The following KIAA0319 variants were observed in gnomAD, a reference collection of about 807,000 sequenced individuals.
KIAA0319 encodes the protein KIAA0319.
Under a neutral mutation model 108.4 loss-of-function variants are expected in KIAA0319, and 83 were observed. The ratio of observed to expected loss-of-function variants is 0.77; its 90% CI spans 0.64 to 0.92. The LOEUF is 0.92. Among genes scored for constraint, KIAA0319 ranks in the 40% least tolerant of loss-of-function variants. The pLI, the probability that KIAA0319 is intolerant of heterozygous loss-of-function variation, is 0.00. For missense variants in KIAA0319, 1,195 were observed against 1,322.4 expected (o/e 0.90, Z 1.49); for synonymous variants, 484 against 510.4 (o/e 0.95, Z 0.70).
Position 24,599,564 on chromosome 6 carries a change from T to C in KIAA0319, c.55+1485A>G. Reference sequence around the variant, plus strand: ...AGGGCGAGGAGAGCTGGCTGGAGTCTGGGATGCAGAACATGAATATCCATA... The same window carrying C: ...AGGGCGAGGAGAGCTGGCTGGAGTCCGGGATGCAGAACATGAATATCCATA... On this transcript the variant is annotated intron_variant, in intron 2 of 20. Coordinates refer to ENST00000378214, the MANE Select transcript of KIAA0319 (RefSeq NM_014809.4). The surrounding 1 kb of genome is among the most constrained non-coding windows in gnomAD (Gnocchi z 4.1). 1.7e-6 allele frequency: 1 copy of C among 594,518 alleles called. No individual in the cohort carries two copies. Among genetic ancestry groups the C allele is most frequent in the Non-Finnish European group, 3.2e-6 (1 of 311,896 alleles). 36.8% of individuals were successfully genotyped at this position (594,518 alleles called of 1,614,324 possible).
At chr6:24,602,394 A>G (rs758713475) in intron 1 of KIAA0319, among the ~76,000 whole-genome samples, 11 of 135,522 alleles carry the variant, frequency 8.1e-5, no homozygotes, top group Non-Finnish European at 1.8e-4. Context: ...AGATGGCCAC[A>G]TGCCAGGCCG....
intron 6 of KIAA0319, among the ~76,000 whole-genome samples, 158 bp from the exon 7 acceptor site, chr6:24,581,171 A>G (rs1484132512): frequency 6.6e-6 from 1 of 152,218 alleles, no homozygotes; most frequent in Non-Finnish European, 1.5e-5. Context: ...AGGCTGCCGC[A>G]TGTTTGAAGC....
chr6:24,632,214 C>T (rs766489562), intron 1 of KIAA0319, among the ~76,000 whole-genome samples: 4 of 152,166 alleles, frequency 2.6e-5, no homozygotes, highest in East Asian at 1.9e-4. Context: ...TATTCATCAT[C>T]GCCATTATCA....
chr6:24,576,560 A>C lies in KIAA0319; in HGVS notation c.1542T>G (p.Ser514=), dbSNP rs772227504. 1 of 1,614,168 alleles carries C rather than the reference A, an allele frequency of 6.2e-7. No individual in the cohort carries two copies. Among genetic ancestry groups the C allele is most frequent in the Non-Finnish European group, 8.5e-7 (1 of 1,180,016 alleles). Residue 514 remains serine, a synonymous_variant, in exon 10 of 21, where the codon TCT becomes TCG. Coordinates refer to ENST00000378214, the MANE Select transcript of KIAA0319 (RefSeq NM_014809.4). The part of the protein sequence containing the change: ...TVTDSDGATN[S]TTAALIVNNA... ...TGTTCACTATTAGGGCTGCAGTTGT[A>C]GAGTTAGTGGCTCCGTCCGAGTCTG...
At chr6:24,570,513 G>A (rs1462504138) in intron 11 of KIAA0319, among the ~76,000 whole-genome samples, 2 of 151,974 alleles carry the variant, frequency 1.3e-5, no homozygotes, top group Non-Finnish European at 2.9e-5. Flanking sequence ...GCATGAACCC[G>A]GGAGGCGGAG....
intron 1 of KIAA0319, among the ~76,000 whole-genome samples, chr6:24,622,303 T>C (rs564808382): frequency 6.3e-4 from 70 of 111,080 alleles, no homozygotes; most frequent in Admixed American, 1.8e-3. Context: ...CAAGGACTGC[T>C]AGACATTTGA....
chr6:24,645,097 T>G (rs540873758), intron 1 of KIAA0319, among the ~76,000 whole-genome samples: 84 of 152,218 alleles, frequency 5.5e-4, no homozygotes, highest in African/African-American at 1.4e-3. Context: ...TTCTTGTGTG[T>G]GGGGGGGAAC....
At chr6:24,567,851 A>C (rs1764116548) in intron 13 of KIAA0319, among the ~76,000 whole-genome samples, 1 of 152,196 alleles carries the variant, frequency 6.6e-6, no homozygotes, top group African/African-American at 2.4e-5. Flanking sequence ...GGCTGCTGTG[A>C]GGCAAATCCT....
In KIAA0319 at chr6:24,601,080, G is replaced by C. The variant is rs754397234; in HGVS notation, c.24C>G (p.Leu8=). Reference sequence around the variant, plus strand: ...TTGTCACCAGCAGCAGCAATGAAGAGAGCACACCTGTGGGGGGCGCCATTG... The same window carrying C: ...TTGTCACCAGCAGCAGCAATGAAGACAGCACACCTGTGGGGGGCGCCATTG... The part of the protein sequence containing the change: MAPPTGV[L]SSLLLLVTIA... Residue 8 remains leucine (L), a synonymous_variant, in exon 2 of 21, where the codon CTC becomes CTG. Coordinates refer to ENST00000378214, the MANE Select transcript of KIAA0319 (RefSeq NM_014809.4). 4 of 1,614,138 alleles carry C rather than the reference G, an allele frequency of 2.5e-6. No individual in the cohort carries two copies. Among genetic ancestry groups the C allele is most frequent in the Non-Finnish European group, 2.5e-6 (3 of 1,180,022 alleles).
At chr6:24,574,363 G>A (rs1056773004) in intron 10 of KIAA0319, among the ~76,000 whole-genome samples, 5 of 152,028 alleles carry the variant, frequency 3.3e-5, no homozygotes, top group Admixed American at 3.3e-4. Context: ...TTTGAGCCCA[G>A]GAGATCAAGG....
intron 8 of KIAA0319, 71 bp from the exon 9 acceptor site, chr6:24,578,313 A>G (rs1765854422): frequency 3.6e-6 from 4 of 1,123,596 alleles, no homozygotes; most frequent in Non-Finnish European, 5.1e-6. Flanking sequence ...TACTTTAATT[A>G]TTGCATATTT....
rs536822614 is a variant in KIAA0319 at position 24,615,437 on chromosome 6, C to CA, written c.-105-14230dup. 4.0e-3 allele frequency among the ~76,000 whole-genome samples: 555 copies of CA among 138,270 alleles called. 4 individuals carry two copies. Among genetic ancestry groups the CA allele is most frequent in the Admixed American group, 8.1e-3 (111 of 13,778 alleles). The allele number at this position is 138,270 out of a possible 152,430, so 90.7% of individuals were successfully genotyped here. On this transcript the variant is annotated intron_variant, in intron 1 of 20. Coordinates refer to ENST00000378214, the MANE Select transcript of KIAA0319 (RefSeq NM_014809.4). ...TGTATATCCTATTTGCTTGTATTTG[C>CA]AAAAAAAAAAATACAGAAGAATATA... is the stretch of plus-strand genomic sequence containing the variant.
In KIAA0319 at chr6:24,595,896, A is replaced by G; in HGVS notation, c.778T>C (p.Ser260Pro). The change falls in exon 3 of 21, where the codon TCC becomes CCC. Residue 260 changes from serine (S) to proline (P), a missense_variant. Physicochemically the swap from Ser to Pro is moderately conservative, Grantham distance 74 (BLOSUM62 -1). Coordinates refer to ENST00000378214, the MANE Select transcript of KIAA0319 (RefSeq NM_014809.4). Reference sequence around the variant, plus strand: ...ACCTCTTTTCCAGAGCTGTTGCTGGATTGTTCCTGGAGCTGAGAAGCCTTT... The same window carrying G: ...ACCTCTTTTCCAGAGCTGTTGCTGGGTTGTTCCTGGAGCTGAGAAGCCTTT... Reference protein sequence around the residue: ...KEKASQLQEQSSNSSGKEVLM... With the variant: ...KEKASQLQEQPSNSSGKEVLM... 6.2e-7 allele frequency: 1 copy of G among 1,607,330 alleles called. No individual in the cohort carries two copies.
intron 10 of KIAA0319, among the ~76,000 whole-genome samples, chr6:24,574,998 C>T (rs758481591): frequency 2.6e-5 from 4 of 152,188 alleles, no homozygotes; most frequent in South Asian, 2.1e-4. Flanking sequence ...GCCCTCAAGG[C>T]GGCCACATGT....
At chr6:24,617,440 T>C (rs1050611886) in intron 1 of KIAA0319, among the ~76,000 whole-genome samples, 1 of 152,026 alleles carries the variant, frequency 6.6e-6, no homozygotes, top group African/African-American at 2.4e-5. Flanking sequence ...GAAAATATAA[T>C]AAATATGCTT....
chr6:24,594,056 G>C (rs1469064773), intron 3 of KIAA0319, among the ~76,000 whole-genome samples: 1 of 151,388 alleles, frequency 6.6e-6, no homozygotes, highest in East Asian at 2.0e-4. Flanking sequence ...AAAATTAGCT[G>C]GGCGTGGTGG....
intron 1 of KIAA0319, among the ~76,000 whole-genome samples, chr6:24,616,277 A>G (rs573265670): frequency 2.4e-4 from 37 of 152,376 alleles, no homozygotes; most frequent in African/African-American, 8.9e-4. Flanking sequence ...ATATTCAAAT[A>G]CCATACAAGT....
Position 24,579,961 on chromosome 6 carries a change from A to AG in KIAA0319, c.1280-12_1280-11insC. ...GGTTGACTCTTCTGGCTGTAACAAA[A>AG]AAAAGGACAGTGACTGAGCCCATCT... On this transcript the variant is annotated splice_polypyrimidine_tract_variant and intron_variant, in intron 7 of 20. Coordinates refer to ENST00000378214, the MANE Select transcript of KIAA0319 (RefSeq NM_014809.4). 3 of 1,577,976 alleles carry AG rather than the reference A, an allele frequency of 1.9e-6. No individual in the cohort carries two copies. The highest frequency in any genetic ancestry group is 2.6e-6 in the Non-Finnish European group (3 of 1,159,100).
At chr6:24,555,136 C>G (rs1467275260) in intron 18 of KIAA0319, among the ~76,000 whole-genome samples, 1 of 152,182 alleles carries the variant, frequency 6.6e-6, no homozygotes, top group African/African-American at 2.4e-5. Flanking sequence ...AGAAATCTAA[C>G]GTGAAAAGCT....
Sources: gnomAD v4.1 joint callset for allele counts (sites outside exome capture counted in the v4.1 genomes callset) on GRCh38, gnomAD v4.1.1 for gene constraint, Gnocchi (gnomAD v3.1) non-coding constraint, MANE v1.5 for transcripts, NCBI Gene and HGNC (gene_info 2026-07-23, HGNC 2026-07-21) for gene names.